Variants in TMEM117 observed in about 807,000 individuals in gnomAD.
The protein encoded by TMEM117 is transmembrane protein 117.
Under a neutral mutation model 52.4 loss-of-function variants are expected in TMEM117, and 27 were observed. The ratio of observed to expected loss-of-function variants is 0.51; its 90% CI spans 0.38 to 0.71. The LOEUF (loss-of-function observed/expected upper bound fraction) is 0.71, where lower values mean the gene tolerates loss of function less well. Ranked by LOEUF, TMEM117 falls within the 30% of genes least tolerant of loss-of-function variation. TMEM117 has a pLI of 0.00. For missense variants in TMEM117, 556 were observed against 630.5 expected, an observed-to-expected ratio of 0.88 and a Z score of 1.26; for synonymous variants, 215 against 206.3, an observed-to-expected ratio of 1.04 and a Z score of -0.36.
chr12:44,141,549 GCA>G (rs1342843749), intron 3 of TMEM117, among the ~76,000 whole-genome samples: 7 of 152,072 alleles, frequency 4.6e-5, no homozygotes, highest in Non-Finnish European at 1.0e-4. Context: ...ACAAATGTAT[GCA>G]ATTACAGGGA....
chr12:44,005,918 G>A lies in TMEM117; in HGVS notation c.410+61576G>A, dbSNP rs1946187338. Among the ~76,000 whole-genome samples, 3 of 152,144 alleles carry A rather than the reference G, an allele frequency of 2.0e-5. No individual in the cohort carries two copies. The South Asian group carries it at 6.2e-4, about 32-fold the overall frequency. On this transcript the variant is annotated intron_variant, in intron 3 of 7. Transcript: ENST00000266534. Reference sequence around the variant, plus strand: ...CCTGCTGCCATCTGTGTAAGACATGGCTTTCTCCTCCTTACCTTCTGCCAT... The same window carrying A: ...CCTGCTGCCATCTGTGTAAGACATGACTTTCTCCTCCTTACCTTCTGCCAT...
chr12:43,864,286 A>G (rs1338455675), intron 2 of TMEM117, among the ~76,000 whole-genome samples: 1 of 152,206 alleles, frequency 6.6e-6, no homozygotes, highest in African/African-American at 2.4e-5. Context: ...GAGTGCAGGC[A>G]CACTGCGCAG....
chr12:44,063,838 G>C (rs1320394975), intron 3 of TMEM117, among the ~76,000 whole-genome samples: 1 of 152,144 alleles, frequency 6.6e-6, no homozygotes, highest in African/African-American at 2.4e-5. Flanking sequence ...GCATGGCTCT[G>C]AGGGAGAGAA....
At chr12:44,001,822 C>A (rs910244794) in intron 3 of TMEM117, among the ~76,000 whole-genome samples, 1 of 151,926 alleles carries the variant, frequency 6.6e-6, no homozygotes, top group African/African-American at 2.4e-5. Flanking sequence ...GACATTGTGA[C>A]CATTGTATTT....
intron 2 of TMEM117, among the ~76,000 whole-genome samples, chr12:43,864,745 T>A (rs578152301): frequency 6.6e-6 from 1 of 152,164 alleles, no homozygotes; most frequent in Non-Finnish European, 1.5e-5. Context: ...ATCAGCAGGA[T>A]GTGGGTTGGG....
At chr12:44,079,254 T>C (rs1947438551) in intron 3 of TMEM117, among the ~76,000 whole-genome samples, 1 of 152,186 alleles carries the variant, frequency 6.6e-6, no homozygotes, top group Non-Finnish European at 1.5e-5. Context: ...GGTCAAATGG[T>C]ATTTCTAGTT....
intron 2 of TMEM117, among the ~76,000 whole-genome samples, chr12:43,890,376 A>G (rs1441701525): frequency 6.6e-6 from 1 of 152,162 alleles, no homozygotes; most frequent in Non-Finnish European, 1.5e-5. Flanking sequence ...CATGCAGTGT[A>G]AAAGTACCTT....
intron 2 of TMEM117, among the ~76,000 whole-genome samples, chr12:43,907,671 A>G (rs370486197): frequency 3.3e-5 from 5 of 151,588 alleles, no homozygotes; most frequent in African/African-American, 1.2e-4. Context: ...GGAGCTGAAA[A>G]CCAAGGCTCG....
chr12:43,831,391 T>A (rs1488171846), upstream of TMEM117, among the ~76,000 whole-genome samples: 1 of 152,144 alleles, frequency 6.6e-6, no homozygotes, highest in Non-Finnish European at 1.5e-5. Context: ...ATAAATTGGT[T>A]CATAATGAAA....
intron 2 of TMEM117, among the ~76,000 whole-genome samples, chr12:43,889,895 T>G (rs185353985): frequency 1.3e-5 from 2 of 152,244 alleles, no homozygotes; most frequent in Admixed American, 6.5e-5. Flanking sequence ...CAGAGCAGGA[T>G]AAGACAGAGG....
At chr12:43,989,557 A>G (rs1592419406) in intron 3 of TMEM117, among the ~76,000 whole-genome samples, 1 of 152,084 alleles carries the variant, frequency 6.6e-6, no homozygotes, top group Middle Eastern at 3.4e-3. Context: ...TAACATTTGG[A>G]TATTAGAAAT....
At chr12:44,147,419 A>G (rs1335127446) in intron 4 of TMEM117, among the ~76,000 whole-genome samples, 2 of 152,136 alleles carry the variant, frequency 1.3e-5, no homozygotes, top group East Asian at 1.9e-4. Flanking sequence ...TCATGATGGC[A>G]CTTGCTTCTG....
chr12:44,140,813 AATAG>A (rs2138193969), intron 3 of TMEM117, among the ~76,000 whole-genome samples: 1 of 152,108 alleles, frequency 6.6e-6, no homozygotes, highest in African/African-American at 2.4e-5. Context: ...TCTGAACTCT[AATAG>A]AGTCCTCAAT....
intron 3 of TMEM117, among the ~76,000 whole-genome samples, chr12:44,030,963 C>A (rs1240417789): frequency 1.3e-5 from 2 of 152,122 alleles, no homozygotes; most frequent in Non-Finnish European, 2.9e-5. Context: ...TGCTTATAAT[C>A]TGCTCTTTAA....
chr12:44,288,001 T>C (rs529606550), intron 5 of TMEM117, among the ~76,000 whole-genome samples: 2 of 152,336 alleles, frequency 1.3e-5, no homozygotes, highest in South Asian at 4.1e-4. Context: ...ATTATTACTA[T>C]TTCCTGCATG....
At chr12:44,263,099 TTAAA>T (rs762119483) in intron 5 of TMEM117, among the ~76,000 whole-genome samples, 16 of 152,350 alleles carry the variant, frequency 1.1e-4, no homozygotes, top group Admixed American at 3.3e-4. Context: ...AGTTAACACT[TTAAA>T]TAGGCTGGTG....
chr12:44,242,142 T>A (rs947991463), intron 5 of TMEM117, among the ~76,000 whole-genome samples: 2 of 149,666 alleles, frequency 1.3e-5, no homozygotes, highest in African/African-American at 5.0e-5. Context: ...TTTTTTTTTT[T>A]ACTTTTATTT....
intron 2 of TMEM117, among the ~76,000 whole-genome samples, chr12:43,906,462 C>CAAA (rs3064352): frequency 0.019 from 2,730 of 141,286 alleles, 50 homozygotes; most frequent in East Asian, 0.08. Flanking sequence ...GACGCTGTCT[C>CAAA]AAAAAAAAAA....
chr12:44,209,530 G>A (rs1405366696), intron 4 of TMEM117, among the ~76,000 whole-genome samples: 1 of 152,028 alleles, frequency 6.6e-6, no homozygotes, highest in Non-Finnish European at 1.5e-5. Flanking sequence ...CATTTATATA[G>A]TGATTGACAG....
Sources: gnomAD v4.1 joint callset for allele counts (sites outside exome capture counted in the v4.1 genomes callset) on GRCh38, gnomAD v4.1.1 for gene constraint, MANE v1.5 for transcripts, NCBI Gene and HGNC (gene_info 2026-07-23, HGNC 2026-07-21) for gene names.